Variants in MFF observed in about 807,000 individuals in gnomAD.
The protein encoded by MFF is mitochondrial fission factor.
In MFF, 12 loss-of-function variants were observed where a neutral mutation model predicts 36.9. The ratio of observed to expected loss-of-function variants is 0.33; its 90% CI spans 0.21 to 0.53. The LOEUF is 0.53. Ranked by LOEUF, MFF falls within the 20% of genes least tolerant of loss-of-function variation. MFF has a pLI of 0.95. For synonymous variants in MFF, 99 were observed against 126.2 expected, an observed-to-expected ratio of 0.78 and a Z score of 1.44; for missense variants, 348 against 366.6, an observed-to-expected ratio of 0.95 and a Z score of 0.42.
intron 3 of MFF, among the ~76,000 whole-genome samples, chr2:227,331,433 A>G (rs1003534995): frequency 1.3e-5 from 2 of 152,094 alleles, no homozygotes; most frequent in Admixed American, 6.5e-5. Context: ...TCATTCGTTG[A>G]TTGCTTTTTG....
intron 6 of MFF, among the ~76,000 whole-genome samples, chr2:227,348,971 G>A (rs1228290436): frequency 2.0e-5 from 3 of 152,106 alleles, no homozygotes; most frequent in African/African-American, 7.2e-5. Context: ...CCTTAAAACA[G>A]ATTTATTGTC....
At position 227,357,710 on chromosome 2, in the gene MFF, TC is replaced by T. The variant is rs1462157875; in HGVS notation, c.*594del. 2.0e-5 allele frequency: 3 copies of T among 152,250 alleles called. No individual in the cohort carries two copies. Among genetic ancestry groups the T allele is most frequent in the Non-Finnish European group, 4.4e-5 (3 of 68,070 alleles). The allele number at this position is 152,250 out of a possible 1,614,324, so 9.4% of individuals were successfully genotyped here. On this transcript the variant is annotated 3_prime_UTR_variant, in exon 9 of 9. Coordinates refer to ENST00000304593, the MANE Select transcript of MFF (RefSeq NM_001277062.2). ...ATATGTGTGCAATATGTGCATTCTTTCATTTTAGTTTTGCACTTGGTTTTCT... is the reference window on the plus strand; with the variant it reads ...ATATGTGTGCAATATGTGCATTCTTTATTTTAGTTTTGCACTTGGTTTTCT...
At chr2:227,337,616 T>G (rs1340469785) in intron 4 of MFF, among the ~76,000 whole-genome samples, 1 of 152,036 alleles carries the variant, frequency 6.6e-6, no homozygotes. Flanking sequence ...GTGCTACATG[T>G]TATATAACTA....
chr2:227,352,657 G>A (rs2076060585), intron 7 of MFF, 84 bp downstream of exon 7: 2 of 1,097,502 alleles, frequency 1.8e-6, no homozygotes, highest in Non-Finnish European at 2.7e-6. Flanking sequence ...TCGTAGCCAT[G>A]CCTGTGTTTG....
intron 7 of MFF, 42 bp downstream of exon 7, chr2:227,352,615 C>A (rs374021776): frequency 1.3e-6 from 2 of 1,549,842 alleles, no homozygotes; most frequent in Non-Finnish European, 1.8e-6. Flanking sequence ...AAATGCTTGG[C>A]GGAATTTGTG....
intron 1 of MFF, 129 bp downstream of exon 1, chr2:227,325,556 G>T (rs554486607): frequency 6.6e-6 from 1 of 152,258 alleles, no homozygotes; most frequent in South Asian, 2.1e-4. Context: ...GTGTCTCCCT[G>T]ACCCGAGTCC....
Position 227,352,529 on chromosome 2 carries a change from T to A in MFF, c.615T>A (p.Gly205=). 1 of 1,613,828 alleles carries A rather than the reference T, an allele frequency of 6.2e-7. No individual in the cohort carries two copies. The highest frequency in any genetic ancestry group is 8.5e-7 in the Non-Finnish European group (1 of 1,179,794). The change falls in exon 7 of 9, where the codon GGT becomes GGA. Residue 205 remains glycine (G), a synonymous_variant. Transcript: ENST00000304593. ...LDENRRPVLR[G]GSAAATSNPH... Reference sequence around the variant, plus strand: ...CCTGCCTTAGACCTGTGTTGCGTGGTGGGTCTGCTGCCGCCACTTCTAATC... The same window carrying A: ...CCTGCCTTAGACCTGTGTTGCGTGGAGGGTCTGCTGCCGCCACTTCTAATC...
chr2:227,341,143 T>C (rs1464535904), intron 5 of MFF, among the ~76,000 whole-genome samples: 5 of 152,170 alleles, frequency 3.3e-5, no homozygotes, highest in Non-Finnish European at 7.4e-5. Flanking sequence ...GCAAAGCATT[T>C]AATTTTATTT....
chr2:227,329,319 T>A (rs1253175622), intron 2 of MFF: 1 of 182,786 alleles, frequency 5.5e-6, no homozygotes. Context: ...TTTATGGCAG[T>A]ATTGTTTTCT....
intron 5 of MFF, among the ~76,000 whole-genome samples, chr2:227,344,656 T>C (rs1361487739): frequency 1.3e-5 from 2 of 152,196 alleles, no homozygotes; most frequent in African/African-American, 4.8e-5. Context: ...ATTTCATCTG[T>C]GGATGGAATT....
chr2:227,347,256 C>T lies in MFF; in HGVS notation c.471C>T (p.Val157=). 6.2e-7 allele frequency: 1 copy of T among 1,613,750 alleles called. No homozygotes were observed. The highest frequency in any genetic ancestry group is 1.3e-5 in the African/African-American group (1 of 75,018). ...CACCATCGCCACAACAGGCTCGGGT[C>T]TGTCCTCCCCATATGTTACCTGAAG... The part of the protein sequence containing the change: ...LVTPSPQQAR[V]CPPHMLPEDG... The change falls in exon 6 of 9, where the codon GTC becomes GTT. Residue 157 remains valine, a synonymous_variant. Coordinates refer to ENST00000304593, the MANE Select transcript of MFF (RefSeq NM_001277062.2).
At position 227,352,251 on chromosome 2, in the gene MFF, T is replaced by C. The variant is rs1238373256; in HGVS notation, c.600-263T>C. ...ATAAAGTAAAGCACCAAGAAAATTA[T>C]TTTATATGTTGGTGCTGTTTTGTCG... is the stretch of plus-strand genomic sequence containing the variant. On this transcript the variant is annotated intron_variant, in intron 6 of 8. Transcript: ENST00000304593. 5 of 339,056 alleles carry C rather than the reference T, an allele frequency of 1.5e-5. No individual in the cohort carries two copies. The South Asian group carries it at 1.9e-4, about 13-fold the overall frequency. The allele number at this position is 339,056 out of a possible 1,614,324, so 21.0% of individuals were successfully genotyped here.
At chr2:227,337,135 G>A (rs1219669612) in intron 4 of MFF, among the ~76,000 whole-genome samples, 1 of 152,246 alleles carries the variant, frequency 6.6e-6, no homozygotes, top group Non-Finnish European at 1.5e-5. Context: ...ACACATTCAT[G>A]CATGGAAAAT....
intron 5 of MFF, chr2:227,346,338 A>T (rs1222244724): frequency 3.0e-5 from 5 of 167,194 alleles, no homozygotes; most frequent in Non-Finnish European, 4.4e-5. Context: ...AATACCTCAC[A>T]ATAGATAATC....
chr2:227,346,239 A>G (rs1261490041), intron 5 of MFF: 1 of 167,198 alleles, frequency 6.0e-6, no homozygotes, highest in Admixed American at 6.5e-5. Context: ...TGTAATACAC[A>G]TTGGATGACA....
intron 7 of MFF, among the ~76,000 whole-genome samples, chr2:227,353,986 T>G (rs1369167869): frequency 6.6e-6 from 1 of 152,196 alleles, no homozygotes. Flanking sequence ...TTTTTTCCAC[T>G]AATCATTTGT....
chr2:227,352,386 A>G, intron 6 of MFF, 128 bp from the exon 7 acceptor site: 2 of 688,692 alleles, frequency 2.9e-6, no homozygotes, highest in Admixed American at 2.3e-5. Context: ...GTTGAGAGAT[A>G]TTATATTGTA....
intron 1 of MFF, among the ~76,000 whole-genome samples, chr2:227,327,847 A>G (rs912767244): frequency 6.6e-6 from 1 of 152,192 alleles, no homozygotes; most frequent in Non-Finnish European, 1.5e-5. Flanking sequence ...AGCTTTTTTC[A>G]GTGTTAGTTC....
At position 227,352,589 on chromosome 2, in the gene MFF, T is replaced by C; in HGVS notation, c.659+16T>C. The C allele has an allele frequency of 6.2e-7, 1 of 1,607,886 alleles. No individual in the cohort carries two copies. Among genetic ancestry groups the C allele is most frequent in the Non-Finnish European group, 8.5e-7 (1 of 1,174,720 alleles). On this transcript the variant is annotated intron_variant, in intron 7 of 8. Transcript: ENST00000304593. ...ACAACGTCAGGTAAATTTTGAGACT[T>C]CGTAATTACCAGGGTAAATGCTTGG...
Sources: allele counts gnomAD v4.1 joint callset (sites outside exome capture counted in the v4.1 genomes callset), GRCh38; gene constraint gnomAD v4.1.1; transcripts MANE v1.5; gene names NCBI Gene and HGNC (gene_info 2026-07-23, HGNC 2026-07-21).